LHFPL3: variants seen among roughly 807,000 people sequenced by gnomAD.
LHFPL3 encodes the protein LHFPL tetraspan subfamily member 3.
LHFPL3 carries 5 observed loss-of-function variants against 19.3 expected under a neutral mutation model. That is an observed-to-expected ratio of 0.26 (90% CI 0.14 to 0.54). The LOEUF (loss-of-function observed/expected upper bound fraction) is 0.54, where lower values mean the gene tolerates loss of function less well. Ranked by LOEUF, LHFPL3 falls within the 20% of genes least tolerant of loss-of-function variation. The probability of loss-of-function intolerance (pLI) is 0.94; values close to 1 mark genes in which losing one functional copy is unlikely to be tolerated. For missense variants in LHFPL3, 249 were observed against 307.4 expected, an observed-to-expected ratio of 0.81 and a Z score of 1.42; for synonymous variants, 133 against 126.2, an observed-to-expected ratio of 1.05 and a Z score of -0.36.
intron 1 of LHFPL3, among the ~76,000 whole-genome samples, chr7:104,375,904 G>T (rs138883530): frequency 6.6e-6 from 1 of 152,140 alleles, no homozygotes; most frequent in East Asian, 1.9e-4. Flanking sequence ...CTTTTCCCCA[G>T]CTCACTGTTT....
chr7:104,778,863 A>G (rs890315094), intron 2 of LHFPL3, among the ~76,000 whole-genome samples: 21 of 152,246 alleles, frequency 1.4e-4, no homozygotes, highest in African/African-American at 4.8e-4. Flanking sequence ...AGCTAATGTC[A>G]GAGAGATGTC....
At chr7:104,466,854 A>G (rs1335058550) in intron 1 of LHFPL3, among the ~76,000 whole-genome samples, 1 of 152,222 alleles carries the variant, frequency 6.6e-6, no homozygotes, top group Non-Finnish European at 1.5e-5. Flanking sequence ...CATCTGCGGT[A>G]AGAGTTCTGA....
chr7:104,656,830 T>C (rs183395377), intron 1 of LHFPL3, among the ~76,000 whole-genome samples: 36 of 152,370 alleles, frequency 2.4e-4, no homozygotes, highest in African/African-American at 8.7e-4. Flanking sequence ...GTGGACAGTC[T>C]AATTATCCAT....
At chr7:104,430,918 A>G (rs1791991271) in intron 1 of LHFPL3, among the ~76,000 whole-genome samples, 1 of 151,980 alleles carries the variant, frequency 6.6e-6, no homozygotes, top group Non-Finnish European at 1.5e-5. Context: ...TTTCCCCTTT[A>G]TCCTAATTTG....
chr7:104,664,766 A>T (rs1792299425), intron 1 of LHFPL3, among the ~76,000 whole-genome samples: 1 of 152,220 alleles, frequency 6.6e-6, no homozygotes, highest in Admixed American at 6.5e-5. Flanking sequence ...AGAAGAAAGG[A>T]TAGAGAACAC....
chr7:104,384,072 G>A (rs1036543699), intron 1 of LHFPL3, among the ~76,000 whole-genome samples: 1 of 151,984 alleles, frequency 6.6e-6, no homozygotes, highest in African/African-American at 2.4e-5. Flanking sequence ...TTGAATAATT[G>A]GAGCAGGATG....
At chr7:104,730,457 C>A (rs1482533040) in intron 1 of LHFPL3, among the ~76,000 whole-genome samples, 1 of 152,104 alleles carries the variant, frequency 6.6e-6, no homozygotes, top group Admixed American at 6.6e-5. Context: ...TCAGATGATA[C>A]CTCATTGTGG....
At chr7:104,527,517 G>C (rs1423992966) in intron 1 of LHFPL3, among the ~76,000 whole-genome samples, 1 of 152,140 alleles carries the variant, frequency 6.6e-6, no homozygotes, top group Non-Finnish European at 1.5e-5. Context: ...GAAGAGGGGA[G>C]GAACTAGTGT....
At chr7:104,684,951 T>C (rs369314882) in intron 1 of LHFPL3, among the ~76,000 whole-genome samples, 17 of 152,362 alleles carry the variant, frequency 1.1e-4, no homozygotes, top group African/African-American at 4.1e-4. Context: ...TCTCATTCTA[T>C]TTCTTTCATG....
At chr7:104,751,943 G>A (rs1396619853) in intron 2 of LHFPL3, among the ~76,000 whole-genome samples, 18 of 151,924 alleles carry the variant, frequency 1.2e-4, no homozygotes, top group East Asian at 7.7e-4. Flanking sequence ...CCTAGTGGGC[G>A]GCTGAGGGTA....
chr7:104,416,083 G>C (rs1241753178), intron 1 of LHFPL3, among the ~76,000 whole-genome samples: 2 of 152,210 alleles, frequency 1.3e-5, no homozygotes, highest in Non-Finnish European at 2.9e-5. Context: ...GTTAAGATAA[G>C]TTTACACTGC....
At chr7:104,891,635 A>C (rs1253228056) in intron 2 of LHFPL3, among the ~76,000 whole-genome samples, 1 of 152,220 alleles carries the variant, frequency 6.6e-6, no homozygotes, top group African/African-American at 2.4e-5. Context: ...CCATTCTCTG[A>C]ATCACAAATA....
chr7:104,353,398 C>T (rs1356558705), intron 1 of LHFPL3, among the ~76,000 whole-genome samples: 1 of 152,186 alleles, frequency 6.6e-6, no homozygotes, highest in Non-Finnish European at 1.5e-5. Context: ...AATTTCTTAA[C>T]ATTCTGTCAC....
At chr7:104,663,725 C>G (rs1053063614) in intron 1 of LHFPL3, among the ~76,000 whole-genome samples, 2 of 152,148 alleles carry the variant, frequency 1.3e-5, no homozygotes, top group Non-Finnish European at 2.9e-5. Flanking sequence ...CCAGAAAACT[C>G]AGGGATCTGG....
chr7:104,564,813 G>A (rs1056864543), intron 1 of LHFPL3, among the ~76,000 whole-genome samples: 1 of 152,146 alleles, frequency 6.6e-6, no homozygotes, highest in Admixed American at 6.5e-5. Context: ...CACCCATCTG[G>A]GCTTTCTGTG....
chr7:104,356,735 A>T (rs79377888), intron 1 of LHFPL3, among the ~76,000 whole-genome samples: 8,635 of 152,206 alleles, frequency 0.057, 333 homozygotes, highest in Middle Eastern at 0.085. Context: ...AAGACAAGAG[A>T]TGTATCACTC....
At chr7:104,694,654 A>C (rs1257655512) in intron 1 of LHFPL3, among the ~76,000 whole-genome samples, 1 of 152,248 alleles carries the variant, frequency 6.6e-6, no homozygotes, top group Non-Finnish European at 1.5e-5. Context: ...CCAGAAAAGA[A>C]AATAGTTTGT....
intron 1 of LHFPL3, among the ~76,000 whole-genome samples, chr7:104,683,270 G>A (rs1028608789): frequency 1.6e-4 from 24 of 152,286 alleles, no homozygotes; most frequent in African/African-American, 5.5e-4. Context: ...GAATACAGGC[G>A]TGAGCCACCG....
intron 2 of LHFPL3, among the ~76,000 whole-genome samples, chr7:104,872,063 G>A (rs1181767003): frequency 6.6e-6 from 1 of 151,628 alleles, no homozygotes; most frequent in Admixed American, 6.6e-5. Flanking sequence ...CACTGTCTGG[G>A]CACAGTGGCT....
Sources: gnomAD v4.1 joint callset for allele counts (sites outside exome capture counted in the v4.1 genomes callset) on GRCh38, gnomAD v4.1.1 for gene constraint, MANE v1.5 for transcripts, NCBI Gene and HGNC (gene_info 2026-07-23, HGNC 2026-07-21) for gene names.